COL19A1: variants seen among roughly 807,000 people sequenced by gnomAD.
COL19A1 encodes collagen type XIX alpha 1 chain, also known as collagen alpha-1(XIX) chain.
In COL19A1, 159 loss-of-function variants were observed where a neutral mutation model predicts 190.2. That is an observed-to-expected ratio of 0.84 (90% CI 0.73 to 0.95). The LOEUF (loss-of-function observed/expected upper bound fraction) is 0.95. Among genes scored for constraint, COL19A1 ranks in the 40% least tolerant of loss-of-function variants. The pLI, the probability that COL19A1 is intolerant of heterozygous loss-of-function variation, is 0.00. For synonymous variants in COL19A1, 509 were observed against 458.9 expected, an observed-to-expected ratio of 1.11 and a Z score of -1.39; for missense variants, 1,418 against 1,431.9, an observed-to-expected ratio of 0.99 and a Z score of 0.16.
intron 36 of COL19A1, among the ~76,000 whole-genome samples, chr6:70,164,622 G>A (rs895914629): frequency 2.0e-5 from 3 of 152,074 alleles, no homozygotes; most frequent in Non-Finnish European, 4.4e-5. Flanking sequence ...AAGTTAATGG[G>A]AATTCCACAC....
At chr6:69,899,064 A>G (rs1451223294) in intron 3 of COL19A1, 42 bp downstream of exon 3, 3 of 1,298,526 alleles carry the variant, frequency 2.3e-6, no homozygotes, top group Non-Finnish European at 3.3e-6. Flanking sequence ...TTTATGTAAA[A>G]TTATCACCAA....
intron 11 of COL19A1, among the ~76,000 whole-genome samples, chr6:69,983,154 A>G (rs1776141352): frequency 6.6e-6 from 1 of 152,000 alleles, no homozygotes. Flanking sequence ...CATCCAATCC[A>G]TAATATATCT....
chr6:69,918,763 G>A (rs1448850609), intron 4 of COL19A1, among the ~76,000 whole-genome samples: 1 of 152,126 alleles, frequency 6.6e-6, no homozygotes, highest in Non-Finnish European at 1.5e-5. Flanking sequence ...TGATGGGTTA[G>A]ATAGGATGGG....
At chr6:69,950,093 C>T (rs1774039430) in intron 9 of COL19A1, among the ~76,000 whole-genome samples, 1 of 151,788 alleles carries the variant, frequency 6.6e-6, no homozygotes, top group Non-Finnish European at 1.5e-5. Context: ...AAGTGATTTG[C>T]ATATAAATCA....
At position 69,916,073 on chromosome 6, in the gene COL19A1, A is replaced by G. The variant is rs970974198; in HGVS notation, c.267-11836A>G. On this transcript the variant is annotated intron_variant, in intron 4 of 50. Coordinates refer to ENST00000620364, the MANE Select transcript of COL19A1 (RefSeq NM_001858.6). ...TGCCTCAGCCTCCCAAGTAGCTGGGACTACAGGCATCTGCCACCATGCCTG... is the reference window on the plus strand; with the variant it reads ...TGCCTCAGCCTCCCAAGTAGCTGGGGCTACAGGCATCTGCCACCATGCCTG... Among the ~76,000 whole-genome samples, 4 of 151,650 alleles carry G rather than the reference A, an allele frequency of 2.6e-5. No homozygotes were observed. In the South Asian group the frequency reaches 8.3e-4, roughly 32 times the overall value.
chr6:69,909,374 T>TTAATTA (rs1343694409), intron 4 of COL19A1, among the ~76,000 whole-genome samples: 6 of 152,130 alleles, frequency 3.9e-5, no homozygotes, highest in South Asian at 2.1e-4. Context: ...GAAGACAGAC[T>TTAATTA]TAATTATAAT....
intron 48 of COL19A1, among the ~76,000 whole-genome samples, chr6:70,191,420 A>T (rs1016152273): frequency 2.0e-5 from 3 of 152,096 alleles, no homozygotes; most frequent in African/African-American, 7.2e-5. Flanking sequence ...TGTCTCTTGA[A>T]GAGCAGGTTG....
intron 11 of COL19A1, among the ~76,000 whole-genome samples, chr6:69,993,974 T>A (rs1776764916): frequency 6.6e-6 from 1 of 152,042 alleles, no homozygotes; most frequent in Admixed American, 6.6e-5. Flanking sequence ...CTTATTTTGG[T>A]TATTTCTTGT....
chr6:70,023,596 A>AT (rs752399694), intron 11 of COL19A1, 31 bp from the exon 12 acceptor site: 2 of 1,577,888 alleles, frequency 1.3e-6, no homozygotes, highest in South Asian at 2.3e-5. Flanking sequence ...CAGATATAAG[A>AT]TTTTTCATTG....
chr6:69,890,798 C>T (rs1769293469), intron 2 of COL19A1: 2 of 153,284 alleles, frequency 1.3e-5, no homozygotes, highest in South Asian at 2.0e-4. Context: ...GAAGGCTGCC[C>T]TCCAACCTCA....
intron 19 of COL19A1, among the ~76,000 whole-genome samples, chr6:70,139,620 C>T (rs1018701756): frequency 6.6e-6 from 1 of 151,994 alleles, no homozygotes; most frequent in African/African-American, 2.4e-5. Context: ...GTAGACTTTA[C>T]TTTGCATAAT....
At position 69,879,595 on chromosome 6, in the gene COL19A1, T is replaced by C; in HGVS notation, c.28T>C (p.Trp10Arg). The C allele has an allele frequency of 6.2e-7, 1 of 1,614,192 alleles. No homozygotes were observed. The highest frequency in any genetic ancestry group is 8.5e-7 in the Non-Finnish European group (1 of 1,180,020). ...GAGACTCACTGGCCCTTGGAAACTT[T>C]GGCTTTGGATGTCAATATTTCTGCT... is the stretch of plus-strand genomic sequence containing the variant. MRLTGPWKLWLWMSIFLLPA... is the reference protein window; with the variant it reads MRLTGPWKLRLWMSIFLLPA... The change falls in exon 2 of 51, where the codon TGG becomes CGG. Residue 10 changes from tryptophan to arginine, a missense_variant. Coordinates refer to ENST00000620364, the MANE Select transcript of COL19A1 (RefSeq NM_001858.6).
At chr6:69,975,344 A>T (rs1012266507) in intron 11 of COL19A1, among the ~76,000 whole-genome samples, 1 of 152,186 alleles carries the variant, frequency 6.6e-6, no homozygotes, top group East Asian at 1.9e-4. Flanking sequence ...AGTCATTCAT[A>T]TAGGCAGTTT....
chr6:69,959,939 C>T (rs748209943), intron 9 of COL19A1, 57 bp from the exon 10 acceptor site: 133 of 1,526,456 alleles, frequency 8.7e-5, no homozygotes, highest in East Asian at 1.6e-4. Flanking sequence ...ACCACAAAAA[C>T]GTCTATGTTC....
chr6:69,918,409 A>G (rs1771452535), intron 4 of COL19A1, among the ~76,000 whole-genome samples: 1 of 152,174 alleles, frequency 6.6e-6, no homozygotes, highest in Non-Finnish European at 1.5e-5. Context: ...TGATAAAAAC[A>G]GTAAGGGCTT....
chr6:70,060,504 T>G (rs943257561), intron 14 of COL19A1, among the ~76,000 whole-genome samples: 2 of 152,072 alleles, frequency 1.3e-5, no homozygotes, highest in African/African-American at 4.8e-5. Context: ...CCACTCCCCA[T>G]TGCTCACGTT....
At chr6:69,907,012 G>GT (rs1770595140) in intron 4 of COL19A1, among the ~76,000 whole-genome samples, 1 of 151,098 alleles carries the variant, frequency 6.6e-6, no homozygotes, top group Non-Finnish European at 1.5e-5. Context: ...GTAACATGAT[G>GT]TTTACCTTGT....
intron 9 of COL19A1, among the ~76,000 whole-genome samples, chr6:69,947,898 A>C (rs1345030293): frequency 6.6e-6 from 1 of 151,866 alleles, no homozygotes; most frequent in Non-Finnish European, 1.5e-5. Flanking sequence ...CTATTGAAAA[A>C]CAATACCTTG....
intron 27 of COL19A1, among the ~76,000 whole-genome samples, chr6:70,147,946 A>G (rs779580167): frequency 3.3e-5 from 5 of 152,164 alleles, no homozygotes; most frequent in Non-Finnish European, 7.3e-5. Flanking sequence ...GGTTTATGAT[A>G]TCAGTAAAGG....
Sources: allele counts gnomAD v4.1 joint callset (sites outside exome capture counted in the v4.1 genomes callset), GRCh38; gene constraint gnomAD v4.1.1; transcripts MANE v1.5; gene names NCBI Gene and HGNC (gene_info 2026-07-23, HGNC 2026-07-21).